GRAMD1B: variants seen among roughly 807,000 people sequenced by gnomAD.
GRAMD1B encodes protein Aster-B.
In GRAMD1B, 37 loss-of-function variants were observed where a neutral mutation model predicts 99.7. The observed-to-expected ratio is 0.37, with a 90% confidence interval of 0.29 to 0.49. GRAMD1B has a LOEUF of 0.49. Among genes scored for constraint, GRAMD1B ranks in the 20% least tolerant of loss-of-function variants. The pLI is 0.98. For missense variants in GRAMD1B, 888 were observed against 1,009.2 expected (o/e 0.88, Z 1.63); for synonymous variants, 427 against 387.6 (o/e 1.10, Z -1.19).
rs1379265989 is a variant in GRAMD1B, at chr11:123,608,488, CAA to C, written c.1514-169_1514-168del. ...CCCAGCAAAAGAAAGAGACCGAAAGCAAAGTCATAAACCATGCCCACGAGCTC... is the reference window on the plus strand; with the variant it reads ...CCCAGCAAAAGAAAGAGACCGAAAGCAGTCATAAACCATGCCCACGAGCTC... On this transcript the variant is annotated intron_variant, in intron 11 of 19. Transcript: ENST00000635736. 4 of 1,524,914 alleles carry C rather than the reference CAA, an allele frequency of 2.6e-6. No homozygotes were observed. The Admixed American group carries it at 6.0e-5, about 23-fold the overall frequency. The allele number at this position is 1,524,914 out of a possible 1,614,324, so 94.5% of individuals were successfully genotyped here.
rs1946138860 is a variant in GRAMD1B at position 123,361,253 on chromosome 11, T to C, written c.-176+2454T>C. On this transcript the variant is annotated intron_variant, in intron 1 of 20. Transcript: ENST00000638157. ...CCTCTCAATACACACATCTGTAATA[T>C]GTATGCTTGTCACTGAAATCACCAG... Among the ~76,000 whole-genome samples, 3 of 152,312 alleles carry C rather than the reference T, an allele frequency of 2.0e-5. No individual in the cohort carries two copies. In the South Asian group the frequency reaches 6.2e-4, roughly 32 times the overall value.
chr11:123,383,560 C>A (rs1218817928), intron 1 of GRAMD1B, among the ~76,000 whole-genome samples: 3 of 152,124 alleles, frequency 2.0e-5, no homozygotes, highest in African/African-American at 7.2e-5. Context: ...TAAATACTGG[C>A]TATTTTTCTC....
chr11:123,576,249 T>C lies in GRAMD1B; in HGVS notation c.453-1118T>C, dbSNP rs191874459. 4.6e-5 allele frequency among the ~76,000 whole-genome samples: 7 copies of C among 152,326 alleles called. 1 individual carries two copies. The East Asian group carries it at 9.7e-4, about 21-fold the overall frequency. Reference sequence around the variant, plus strand: ...TGCACCCCACTCCCCGAGGGAAGGCTGGGATGCAGCCTGCAGGGGGGTCCA... The same window carrying C: ...TGCACCCCACTCCCCGAGGGAAGGCCGGGATGCAGCCTGCAGGGGGGTCCA... On this transcript the variant is annotated intron_variant, in intron 2 of 19. Transcript: ENST00000635736.
At chr11:123,613,939 C>T (rs1953967380) in intron 16 of GRAMD1B, among the ~76,000 whole-genome samples, 1 of 152,132 alleles carries the variant, frequency 6.6e-6, no homozygotes, top group Non-Finnish European at 1.5e-5. Context: ...TGCATAGGCT[C>T]AAGTATGAAG....
chr11:123,543,548 A>G, intron 2 of GRAMD1B, among the ~76,000 whole-genome samples: 1 of 152,222 alleles, frequency 6.6e-6, no homozygotes, highest in East Asian at 1.9e-4. Flanking sequence ...GAAACCTTTG[A>G]AGTGGAGAGA....
intron 1 of GRAMD1B, among the ~76,000 whole-genome samples, chr11:123,401,730 A>T (rs973339756): frequency 6.6e-6 from 1 of 152,170 alleles, no homozygotes; most frequent in Admixed American, 6.5e-5. Flanking sequence ...CCAAAAAATA[A>T]GTAAATAAAT....
At chr11:123,606,224 G>C (rs910568058) in intron 10 of GRAMD1B, among the ~76,000 whole-genome samples, 2 of 152,244 alleles carry the variant, frequency 1.3e-5, no homozygotes, top group Admixed American at 6.5e-5. Context: ...GCTAATGAGA[G>C]AATGAGTTTT....
intron 2 of GRAMD1B, among the ~76,000 whole-genome samples, chr11:123,519,472 C>T (rs1393305467): frequency 6.6e-6 from 1 of 152,184 alleles, no homozygotes; most frequent in Non-Finnish European, 1.5e-5. Context: ...GGCTGTTCCT[C>T]CCCCGCTGCT....
At chr11:123,621,342 G>A (rs756805576) in intron 19 of GRAMD1B, among the ~76,000 whole-genome samples, 6 of 152,258 alleles carry the variant, frequency 3.9e-5, no homozygotes, top group South Asian at 2.1e-4. Context: ...CTCCTGCCAG[G>A]TTCCATTCTA....
chr11:123,392,442 A>C (rs1321617368), intron 1 of GRAMD1B, among the ~76,000 whole-genome samples: 1 of 151,588 alleles, frequency 6.6e-6, no homozygotes, highest in African/African-American at 2.4e-5. Context: ...CAGAGAAACC[A>C]CTCAATAAAG....
rs191280148 is a variant in GRAMD1B at position 123,478,134 on chromosome 11, G to A, written c.375-2682G>A. Among the ~76,000 whole-genome samples, 407 of 151,966 alleles carry A rather than the reference G, an allele frequency of 2.7e-3. 2 individuals carry two copies. Among genetic ancestry groups the A allele is most frequent in the African/African-American group, 9.2e-3 (383 of 41,468 alleles). ...TTTGTCCTTCCTTCCTCCCACCACA[G>A]TCTTCCGAGTAGCTGGGACTCCAGG... On this transcript the variant is annotated intron_variant, in intron 1 of 19. Transcript: ENST00000635736.
At chr11:123,608,065 G>A (rs1952986979) in intron 11 of GRAMD1B, 1 of 162,296 alleles carries the variant, frequency 6.2e-6, no homozygotes, top group South Asian at 1.8e-4. Context: ...GCTATATGAT[G>A]AAGCTGTAAT....
chr11:123,525,771 G>A (rs1261206983), intron 2 of GRAMD1B: 2 of 285,008 alleles, frequency 7.0e-6, no homozygotes, highest in Non-Finnish European at 1.4e-5. Context: ...TGAGGGTGGG[G>A]GGCAGCCGGC....
intron 1 of GRAMD1B, among the ~76,000 whole-genome samples, chr11:123,452,098 T>C (rs1184054420): frequency 6.6e-6 from 1 of 152,190 alleles, no homozygotes; most frequent in Non-Finnish European, 1.5e-5. Context: ...CCTCCTAAAA[T>C]GTTGGGATTA....
At chr11:123,371,392 G>A (rs1946524299) in intron 1 of GRAMD1B, among the ~76,000 whole-genome samples, 1 of 152,116 alleles carries the variant, frequency 6.6e-6, no homozygotes, top group African/African-American at 2.4e-5. Context: ...ATAATTGTGA[G>A]CCTTTTCTAC....
chr11:123,592,204 TAGCAGGGGCCGCAA>T (rs1429889684), intron 4 of GRAMD1B, among the ~76,000 whole-genome samples: 1 of 152,126 alleles, frequency 6.6e-6, no homozygotes, highest in African/African-American at 2.4e-5. Flanking sequence ...CTTGGAAGGC[TAGCAGGGGCCGCAA>T]AGCAGGTAAA....
At chr11:123,582,297 C>G (rs943596679) in intron 3 of GRAMD1B, among the ~76,000 whole-genome samples, 1 of 152,230 alleles carries the variant, frequency 6.6e-6, no homozygotes, top group Non-Finnish European at 1.5e-5. Context: ...CCATCCACCC[C>G]CTCCAGAAGG....
At chr11:123,380,025 T>TA (rs1355443260) in intron 1 of GRAMD1B, among the ~76,000 whole-genome samples, 2 of 152,216 alleles carry the variant, frequency 1.3e-5, no homozygotes, top group Non-Finnish European at 2.9e-5. Flanking sequence ...TCTCCAGCTT[T>TA]AAAAAAATTA....
intron 1 of GRAMD1B, among the ~76,000 whole-genome samples, chr11:123,393,554 T>C (rs1382077645): frequency 6.6e-6 from 1 of 152,226 alleles, no homozygotes; most frequent in Non-Finnish European, 1.5e-5. Context: ...ATGCTGGCAA[T>C]GATAGGTCTC....
Sources: gnomAD v4.1 joint callset for allele counts (sites outside exome capture counted in the v4.1 genomes callset) on GRCh38, gnomAD v4.1.1 for gene constraint, MANE v1.5 for transcripts, NCBI Gene and HGNC (gene_info 2026-07-23, HGNC 2026-07-21) for gene names.